NFASC: variants seen among roughly 807,000 people sequenced by gnomAD.
NFASC encodes neurofascin.
Under a neutral mutation model 147.5 loss-of-function variants are expected in NFASC, and 43 were observed. The observed-to-expected ratio is 0.29, with a 90% CI of 0.23 to 0.38. The LOEUF (loss-of-function observed/expected upper bound fraction) is 0.38, where lower values mean the gene tolerates loss of function less well. Ranked by LOEUF, NFASC falls within the 10% of genes least tolerant of loss-of-function variation. NFASC has a pLI of 1.00. For missense variants in NFASC, 1,320 were observed against 1,689.0 expected (o/e 0.78, Z 3.83); for synonymous variants, 622 against 665.5 (o/e 0.93, Z 1.01).
chr1:205,002,606 GA>G lies in NFASC; in HGVS notation c.3154del (p.Thr1052LeufsTer13), dbSNP rs754233948. On this transcript the variant is annotated frameshift_variant, in exon 27 of 30. Coordinates refer to ENST00000339876, the MANE Select transcript of NFASC (RefSeq NM_001005388.3). LOFTEE classifies it high-confidence loss of function. ...GTTTCTGTTCCCCAGGCAACCATAC[GA>G]AAAAAACTGTCCCAGTTAAGGCCCA... Reference protein sequence around the residue: ...VVEYIDSNHTKKTVPVKAQAQ... With the variant: ...VVEYIDSNHTXKTVPVKAQAQ... 3.9e-6 allele frequency: 6 copies of G among 1,521,938 alleles called. No homozygotes were observed. The highest frequency in any genetic ancestry group is 1.2e-5 in the South Asian group (1 of 80,724). The allele number at this position is 1,521,938 out of a possible 1,614,324, so 94.3% of individuals were successfully genotyped here.
At chr1:204,874,498 C>T (rs564863950) in intron 1 of NFASC, among the ~76,000 whole-genome samples, 1 of 152,170 alleles carries the variant, frequency 6.6e-6, no homozygotes, top group African/African-American at 2.4e-5. Flanking sequence ...TTATTCCACC[C>T]GCTCTGCCCT....
chr1:204,970,015 G>A (rs2095167892), intron 10 of NFASC, among the ~76,000 whole-genome samples: 1 of 139,786 alleles, frequency 7.2e-6, no homozygotes, highest in South Asian at 2.4e-4. Flanking sequence ...GGCGGAAGTT[G>A]CAGTGAGCCA....
intron 1 of NFASC, among the ~76,000 whole-genome samples, chr1:204,882,546 A>G (rs1014196408): frequency 5.9e-5 from 9 of 151,720 alleles, no homozygotes; most frequent in African/African-American, 2.2e-4. Context: ...TCTTCATAGC[A>G]CTTCCCCACT....
chr1:205,003,770 C>G (rs1235953029), intron 27 of NFASC, among the ~76,000 whole-genome samples: 2 of 152,228 alleles, frequency 1.3e-5, no homozygotes, highest in Admixed American at 6.5e-5. Flanking sequence ...TGCACCTGGC[C>G]TGGCGAGGCT....
chr1:204,983,165 C>T (rs755586127), intron 21 of NFASC, among the ~76,000 whole-genome samples: 42 of 152,170 alleles, frequency 2.8e-4, no homozygotes, highest in Non-Finnish European at 5.1e-4. Flanking sequence ...CTGCGGCCCA[C>T]GCTCTGATGG....
chr1:205,002,769 G>T (rs773270365), intron 27 of NFASC, 21 bp downstream of exon 27: 1 of 1,419,762 alleles, frequency 7.0e-7, no homozygotes, highest in South Asian at 1.6e-5. Context: ...ACCTGGCCTG[G>T]CCATCCCCTG....
intron 8 of NFASC, among the ~76,000 whole-genome samples, chr1:204,966,451 C>T (rs1015391954): frequency 8.5e-5 from 13 of 152,192 alleles, no homozygotes; most frequent in Admixed American, 7.8e-4. Flanking sequence ...AACCTGACAA[C>T]AGAGCCTTCT....
chr1:204,991,360 G>T, intron 24 of NFASC, 54 bp downstream of exon 24: 1 of 1,585,764 alleles, frequency 6.3e-7, no homozygotes, highest in Non-Finnish European at 8.6e-7. Flanking sequence ...CGCAGGCGGA[G>T]CCCAGCCCAG....
chr1:204,897,730 T>C (rs1317315671), intron 1 of NFASC, among the ~76,000 whole-genome samples: 4 of 148,796 alleles, frequency 2.7e-5, no homozygotes, highest in Non-Finnish European at 3.0e-5. Context: ...TGTGCCACCA[T>C]GCTCAGCTAA....
At chr1:204,864,283 G>A (rs948778519) in intron 1 of NFASC, among the ~76,000 whole-genome samples, 2 of 152,182 alleles carry the variant, frequency 1.3e-5, no homozygotes, top group Non-Finnish European at 2.9e-5. Context: ...CACTTGCATT[G>A]TCTCCATCTT....
chr1:204,964,337 G>A (rs1303883680), intron 8 of NFASC, among the ~76,000 whole-genome samples: 5 of 152,238 alleles, frequency 3.3e-5, no homozygotes, highest in Non-Finnish European at 7.3e-5. Flanking sequence ...GAATGGTTTA[G>A]TGTTGACTGT....
At chr1:204,990,427 A>G (rs1339663850) in intron 23 of NFASC, 1 of 152,092 alleles carries the variant, frequency 6.6e-6, no homozygotes, top group African/African-American at 2.4e-5. Flanking sequence ...TCAGATAACA[A>G]AGCCCTATTG....
At chr1:204,874,680 G>T (rs1267951006) in intron 1 of NFASC, among the ~76,000 whole-genome samples, 6 of 152,204 alleles carry the variant, frequency 3.9e-5, no homozygotes, top group Admixed American at 3.9e-4. Flanking sequence ...CTGGGGCCTG[G>T]TCTGAATGTC....
At chr1:205,011,256 A>T (rs2096249772) in intron 28 of NFASC, among the ~76,000 whole-genome samples, 1 of 143,068 alleles carries the variant, frequency 7.0e-6, no homozygotes, top group South Asian at 2.3e-4. Flanking sequence ...AGGAGACTGG[A>T]TTCTTTTTCA....
At position 204,921,894 on chromosome 1, in the gene NFASC, A is replaced by T. The variant is rs2090562359; in HGVS notation, c.-91+1154A>T. On this transcript the variant is annotated intron_variant, in intron 2 of 29. Transcript: ENST00000339876. ...TGTGGGCCCTTTAGGGCCACCACTT[A>T]TCTCAGAACAGTGTCAGGTTTCAGA... 2.0e-5 allele frequency among the ~76,000 whole-genome samples: 3 copies of T among 151,874 alleles called. No homozygotes were observed. The South Asian group carries it at 6.2e-4, about 32-fold the overall frequency.
rs1034512647 is a variant in NFASC, at chr1:204,846,952, C to CGTGTGTGTGTCTGT, written c.-200+18180_-200+18181insCTGTGTGTGTGTGT. Among the ~76,000 whole-genome samples the CGTGTGTGTGTCTGT allele has an allele frequency of 5.4e-3, 676 of 124,642 alleles. 6 individuals are homozygous for CGTGTGTGTGTCTGT. Among genetic ancestry groups the CGTGTGTGTGTCTGT allele is most frequent in the African/African-American group, 0.016 (533 of 32,310 alleles). The allele number at this position is 124,642 out of a possible 152,430, so 81.8% of individuals were successfully genotyped here. On this transcript the variant is annotated intron_variant, in intron 1 of 29. Coordinates refer to ENST00000339876, the MANE Select transcript of NFASC (RefSeq NM_001005388.3). ...AGACTGCTGCCTGTGTGTGTGTACGCGTGTGTGTGTGTGTGTGTGTGTGTG... is the reference window on the plus strand; with the variant it reads ...AGACTGCTGCCTGTGTGTGTGTACGCGTGTGTGTGTCTGTGTGTGTGTGTGTGTGTGTGTGTGTG...
At chr1:204,907,732 T>C (rs1262265468) in intron 1 of NFASC, among the ~76,000 whole-genome samples, 1 of 152,222 alleles carries the variant, frequency 6.6e-6, no homozygotes, top group African/African-American at 2.4e-5. Flanking sequence ...CCAGTTATAC[T>C]AAAATAAGTT....
At chr1:204,957,504 G>A in intron 7 of NFASC, 152 bp from the exon 8 acceptor site, 2 of 650,392 alleles carry the variant, frequency 3.1e-6, no homozygotes, top group African/African-American at 1.8e-5. Flanking sequence ...ATGGGAATAA[G>A]CCATACTTCA....
At chr1:204,896,839 T>C (rs921059387) in intron 1 of NFASC, among the ~76,000 whole-genome samples, 5 of 152,214 alleles carry the variant, frequency 3.3e-5, no homozygotes, top group Non-Finnish European at 7.3e-5. Context: ...TTATAGATAT[T>C]GGTCAGTTTA....
Sources: allele counts gnomAD v4.1 joint callset (sites outside exome capture counted in the v4.1 genomes callset), GRCh38; gene constraint gnomAD v4.1.1; transcripts MANE v1.5; gene names NCBI Gene and HGNC (gene_info 2026-07-23, HGNC 2026-07-21).